Variants in KIF18B observed in about 807,000 individuals in gnomAD.
KIF18B encodes the protein kinesin-like protein KIF18B.
A neutral mutation model predicts 80.9 loss-of-function variants in KIF18B; 49 were observed. That is an observed-to-expected ratio of 0.61 (90% CI 0.48 to 0.77). KIF18B has a LOEUF of 0.77. Among genes scored for constraint, KIF18B ranks in the 30% least tolerant of loss-of-function variants. The probability of loss-of-function intolerance (pLI) is 0.00; values close to 1 mark genes in which losing one functional copy is unlikely to be tolerated. For synonymous variants in KIF18B, 439 were observed against 463.9 expected (o/e 0.95, Z 0.69); for missense variants, 994 against 1,127.7 (o/e 0.88, Z 1.70).
intron 1 of KIF18B, 77 bp downstream of exon 1, chr17:44,947,551 G>T (rs191496558): frequency 6.6e-6 from 1 of 152,404 alleles, no homozygotes; most frequent in Non-Finnish European, 1.5e-5. Flanking sequence ...CCTCCCGCCC[G>T]GAGCAGCTGG....
intron 11 of KIF18B, among the ~76,000 whole-genome samples, 181 bp downstream of exon 11, chr17:44,931,421 A>G (rs556926662): frequency 2.0e-5 from 3 of 152,322 alleles, no homozygotes; most frequent in Admixed American, 6.5e-5. Context: ...AGAGGAATAC[A>G]TAGAGGTGAT....
At position 44,939,366 on chromosome 17, in the gene KIF18B, C is replaced by CAAAAAAAAAAAAAAA. The variant is rs781348504; in HGVS notation, c.-14-3023_-14-3009dup. Reference sequence around the variant, plus strand: ...AGCCTGGGTGACAGAGACTCCATCTCAAAAAAAAAAAAAAAAAAAAAAAAA... The same window carrying CAAAAAAAAAAAAAAA: ...AGCCTGGGTGACAGAGACTCCATCTCAAAAAAAAAAAAAAAAAAAAAAAAAAAAAAAAAAAAAAAA... On this transcript the variant is annotated intron_variant, in intron 1 of 15. Coordinates refer to ENST00000593135, the MANE Select transcript of KIF18B (RefSeq NM_001265577.2). 1.2e-3 allele frequency among the ~76,000 whole-genome samples: 45 copies of CAAAAAAAAAAAAAAA among 36,950 alleles called. 1 individual carries two copies. The highest frequency in any genetic ancestry group is 2.2e-3 in the Admixed American group (5 of 2,246). The allele number at this position is 36,950 out of a possible 152,430, so 24.2% of individuals were successfully genotyped here.
At position 44,935,433 on chromosome 17, in the gene KIF18B, A is replaced by G; in HGVS notation, c.314-17T>C. The G allele has an allele frequency of 1.3e-6, 2 of 1,582,046 alleles. No homozygotes were observed. The highest frequency in any genetic ancestry group is 2.3e-5 in the East Asian group (1 of 44,182). ...AGGCAAACACTGCAGAGGACATAGT[A>G]AGGAGGAGGACCCCAGTGCCTTGCC... On this transcript the variant is annotated splice_polypyrimidine_tract_variant and intron_variant, in intron 2 of 15. Transcript: ENST00000593135.
At chr17:44,944,295 T>C (rs549438688) in intron 1 of KIF18B, among the ~76,000 whole-genome samples, 1 of 152,102 alleles carries the variant, frequency 6.6e-6, no homozygotes, top group South Asian at 2.1e-4. Flanking sequence ...CAGCCTGGAG[T>C]GCAATGGCGT....
intron 1 of KIF18B, among the ~76,000 whole-genome samples, chr17:44,942,976 C>G (rs1231404028): frequency 6.6e-6 from 1 of 152,242 alleles, no homozygotes; most frequent in Non-Finnish European, 1.5e-5. Flanking sequence ...TTAGGCTGTT[C>G]TGCCCTGCAA....
In KIF18B at chr17:44,934,293, G is replaced by T; in HGVS notation, c.825C>A (p.Ala275=). The change falls in exon 6 of 16, where the codon GCC becomes GCA. Residue 275 remains alanine, a synonymous_variant. Coordinates refer to ENST00000593135, the MANE Select transcript of KIF18B (RefSeq NM_001265577.2). The surrounding 1 kb of genome is among the most constrained non-coding windows in gnomAD (Gnocchi z 5.4). ...HAKGERLREG[A]NINRSLLALI... is the part of the protein sequence containing the mutation. ...GCGCCAGCAGAGAGCGGTTGATGTT[G>T]GCCCCCTCCCGCAGCCGCTCCCCCT... 1 of 1,613,206 alleles carries T rather than the reference G, an allele frequency of 6.2e-7. No homozygotes were observed. Among genetic ancestry groups the T allele is most frequent in the Non-Finnish European group, 8.5e-7 (1 of 1,179,710 alleles).
intron 3 of KIF18B, 112 bp downstream of exon 3, chr17:44,935,147 G>A (rs1162174647): frequency 4.3e-6 from 5 of 1,161,464 alleles, no homozygotes; most frequent in Non-Finnish European, 6.0e-6. Context: ...TCCTTGAGGG[G>A]TGCCAGCTCT....
In KIF18B at chr17:44,926,473, C is replaced by A. The variant is rs530608581; in HGVS notation, c.2393G>T (p.Arg798Leu). The A allele has an allele frequency of 6.3e-7, 1 of 1,587,600 alleles. No individual in the cohort carries two copies. The highest frequency in any genetic ancestry group is 8.6e-7 in the Non-Finnish European group (1 of 1,168,518). The part of the protein sequence containing the change: ...ASSSVSHGRS[R>L]IARLPSSTLK... Reference sequence around the variant, plus strand: ...AGTGCTGCTGGGGAGGCGGGCGATGCGGCTGCGGCCATGGGAGACTGAGGA... The same window carrying A: ...AGTGCTGCTGGGGAGGCGGGCGATGAGGCTGCGGCCATGGGAGACTGAGGA... The change falls in exon 15 of 16, where the codon CGC (arginine) becomes CTC (leucine). Residue 798 changes from arginine (R) to leucine (L), a missense_variant. Coordinates refer to ENST00000593135, the MANE Select transcript of KIF18B (RefSeq NM_001265577.2).
intron 1 of KIF18B, among the ~76,000 whole-genome samples, chr17:44,945,586 T>C (rs1416577722): frequency 6.6e-6 from 1 of 152,110 alleles, no homozygotes; most frequent in Non-Finnish European, 1.5e-5. Context: ...TATGATTTCC[T>C]ATTTGACCTA....
intron 1 of KIF18B, among the ~76,000 whole-genome samples, chr17:44,944,695 T>C (rs2052480484): frequency 1.3e-5 from 2 of 152,232 alleles, no homozygotes; most frequent in Admixed American, 1.3e-4. Flanking sequence ...AGGTTTTTCA[T>C]GCCTGTGAAG....
intron 11 of KIF18B, among the ~76,000 whole-genome samples, chr17:44,931,055 G>A (rs2052135247): frequency 6.6e-6 from 1 of 152,204 alleles, no homozygotes; most frequent in African/African-American, 2.4e-5. Flanking sequence ...TTAGGAACTA[G>A]GGGCCAAGGA....
At chr17:44,932,642 G>T in intron 9 of KIF18B, 31 bp downstream of exon 9, 1 of 1,158,688 alleles carries the variant, frequency 8.6e-7, no homozygotes, top group Non-Finnish European at 1.3e-6. Context: ...TGAGCTGCAG[G>T]GTGGGGGCGG....
Position 44,926,200 on chromosome 17 carries a change from G to A in KIF18B, c.2453-14C>T, listed in dbSNP as rs758979918. 1 of 1,613,630 alleles carries A rather than the reference G, an allele frequency of 6.2e-7. No homozygotes were observed. Among genetic ancestry groups the A allele is most frequent in the African/African-American group, 1.3e-5 (1 of 74,920 alleles). ...TCAAGGGCAGCTCTGCAGGCCAGTTGGATGGGTGGCGGGGAGTGCAGCGAG... is the reference window on the plus strand; with the variant it reads ...TCAAGGGCAGCTCTGCAGGCCAGTTAGATGGGTGGCGGGGAGTGCAGCGAG... On this transcript the variant is annotated splice_polypyrimidine_tract_variant and intron_variant, in intron 15 of 15. Coordinates refer to ENST00000593135, the MANE Select transcript of KIF18B (RefSeq NM_001265577.2).
intron 11 of KIF18B, among the ~76,000 whole-genome samples, chr17:44,930,992 G>A (rs139904477): frequency 1.3e-4 from 20 of 152,304 alleles, no homozygotes; most frequent in African/African-American, 4.1e-4. Context: ...AGCATGAAGC[G>A]TGCTGGGGAG....
Position 44,934,956 on chromosome 17 carries a change from G to A in KIF18B, c.472-21C>T. 6.7e-7 allele frequency: 1 copy of A among 1,485,994 alleles called. No homozygotes were observed. The highest frequency in any genetic ancestry group is 9.2e-7 in the Non-Finnish European group (1 of 1,092,156). 92.1% of individuals were successfully genotyped at this position (1,485,994 alleles called of 1,614,324 possible). A position where few individuals can be genotyped will look rare whatever the true frequency, so the allele number is the denominator to read the frequency against. On this transcript the variant is annotated intron_variant, in intron 3 of 15. Coordinates refer to ENST00000593135, the MANE Select transcript of KIF18B (RefSeq NM_001265577.2). The surrounding 1 kb of genome is among the most constrained non-coding windows in gnomAD (Gnocchi z 5.4). ...TACACCTGAGAAAGGAAGAAAGGAA[G>A]AGGCCTGAGGGAGAGCGGCCCATCA...
rs1473473552 is a variant in KIF18B at position 44,926,189 on chromosome 17, G to A, written c.2453-3C>T. The A allele has an allele frequency of 1.2e-6, 2 of 1,613,720 alleles. No individual in the cohort carries two copies. The highest frequency in any genetic ancestry group is 1.7e-5 in the Admixed American group (1 of 59,988). The stretch of plus-strand genomic sequence containing the variant: ...GCACAGGGGACTCAAGGGCAGCTCT[G>A]CAGGCCAGTTGGATGGGTGGCGGGG... On this transcript the variant is annotated splice_polypyrimidine_tract_variant and splice_region_variant and intron_variant, in intron 15 of 15. Transcript: ENST00000593135.
In KIF18B at chr17:44,936,108, C is replaced by T. The variant is rs376980398; in HGVS notation, c.237G>A (p.Ala79=). Residue 79 remains alanine, a synonymous_variant, in exon 2 of 16, where the codon GCG becomes GCA. Coordinates refer to ENST00000593135, the MANE Select transcript of KIF18B (RefSeq NM_001265577.2). ...TFVFDRVFGE[A]ATQQDVFQHT... ...GCTGGAACACGTCCTGTTGGGTGGC[C>T]GCCTCGCCAAAGACCCGGTCAAAGA... 57 of 1,613,810 alleles carry T rather than the reference C, an allele frequency of 3.5e-5. No homozygotes were observed. Among genetic ancestry groups the T allele is most frequent in the Admixed American group, 3.5e-4 (21 of 60,018 alleles).
chr17:44,936,102 G>T lies in KIF18B; in HGVS notation c.243C>A (p.Thr81=). The change falls in exon 2 of 16, where the codon ACC becomes ACA. Residue 81 remains threonine, a synonymous_variant. Transcript: ENST00000593135. ...VFDRVFGEAA[T]QQDVFQHTTH... is the part of the protein sequence containing the mutation. ...TGGTGTGCTGGAACACGTCCTGTTG[G>T]GTGGCCGCCTCGCCAAAGACCCGGT... The T allele has an allele frequency of 6.2e-7, 1 of 1,613,854 alleles. No individual in the cohort carries two copies. The highest frequency in any genetic ancestry group is 1.1e-5 in the South Asian group (1 of 91,084).
At position 44,928,517 on chromosome 17, in the gene KIF18B, A is replaced by T; in HGVS notation, c.1785T>A (p.Thr595=). The T allele has an allele frequency of 6.8e-7, 1 of 1,480,984 alleles. No homozygotes were observed. The allele number at this position is 1,480,984 out of a possible 1,614,324, so 91.7% of individuals were successfully genotyped here. The stretch of plus-strand genomic sequence containing the variant: ...GGGGGCCACTCAGTCGCCTCGCCAT[A>T]GTCCGGGTCACAGGGCCAGTGTATC... ...PPGYTGPVTR[T]MARRLSGPLH... Residue 595 remains threonine, a synonymous_variant, in exon 13 of 16, where the codon ACT becomes ACA. Coordinates refer to ENST00000593135, the MANE Select transcript of KIF18B (RefSeq NM_001265577.2).
Sources: allele counts gnomAD v4.1 joint callset (sites outside exome capture counted in the v4.1 genomes callset), GRCh38; gene constraint gnomAD v4.1.1; non-coding constraint Gnocchi (gnomAD v3.1); transcripts MANE v1.5; gene names NCBI Gene and HGNC (gene_info 2026-07-23, HGNC 2026-07-21).